ZNF141: variants seen among roughly 807,000 people sequenced by gnomAD.
The protein encoded by ZNF141 is zinc finger protein 141.
In ZNF141, 7 loss-of-function variants were observed where a neutral mutation model predicts 11.3. That is an observed-to-expected ratio of 0.62 (90% CI 0.35 to 1.16). ZNF141 has a LOEUF of 1.16. Ranked by LOEUF, ZNF141 falls within the 50% of genes most tolerant of loss-of-function variation. The pLI is 0.02. For synonymous variants in ZNF141, 183 were observed against 190.7 expected, an observed-to-expected ratio of 0.96 and a Z score of 0.33; for missense variants, 535 against 554.0, an observed-to-expected ratio of 0.97 and a Z score of 0.34.
chr4:344,526 T>G (rs1553849226), intron 3 of ZNF141, 96 bp downstream of exon 3: 1 of 1,026,848 alleles, frequency 9.7e-7, no homozygotes, highest in African/African-American at 1.6e-5. Context: ...CCGGGTGCAG[T>G]GGCTCATGCC....
chr4:382,136 C>T lies in ZNF141; in HGVS notation c.*8274C>T, dbSNP rs1479395910. Among the ~76,000 whole-genome samples the T allele has an allele frequency of 1.3e-5, 2 of 151,636 alleles. No homozygotes were observed. The highest frequency in any genetic ancestry group is 2.4e-5 in the African/African-American group (1 of 41,174). The stretch of plus-strand genomic sequence containing the variant: ...AATTTTTTTGTATTTTTAGTAGAGA[C>T]GGGGTTTCACCATGTTAGCCAACAA... On this transcript the variant is annotated 3_prime_UTR_variant, in exon 4 of 4. Transcript: ENST00000240499.
At chr4:349,364 A>C (rs1322600137) in intron 3 of ZNF141, among the ~76,000 whole-genome samples, 2 of 151,982 alleles carry the variant, frequency 1.3e-5, no homozygotes. Context: ...TTCTTATTTT[A>C]CTCTAGGGTT....
rs1261615995 is a variant in ZNF141 at position 382,356 on chromosome 4, C to A, written c.*8494C>A. Among the ~76,000 whole-genome samples the A allele has an allele frequency of 6.6e-6, 1 of 152,066 alleles. No homozygotes were observed. Among genetic ancestry groups the A allele is most frequent in the Non-Finnish European group, 1.5e-5 (1 of 68,024 alleles). ...CTTCGAAGCATACTCTGCTGGTTGG[C>A]TAAATTGCACTGGGAAAAAATAGCA... On this transcript the variant is annotated 3_prime_UTR_variant, in exon 4 of 4. Transcript: ENST00000240499.
At chr4:353,907 C>G (rs1471635602) in intron 3 of ZNF141, among the ~76,000 whole-genome samples, 1 of 152,208 alleles carries the variant, frequency 6.6e-6, no homozygotes, top group Non-Finnish European at 1.5e-5. Context: ...GTGATTTCTG[C>G]TCATTCACAC....
At chr4:353,466 A>T (rs6820996) in intron 3 of ZNF141, among the ~76,000 whole-genome samples, 41,756 of 133,578 alleles carry the variant, frequency 0.31, 6,845 homozygotes, top group African/African-American at 0.39. Flanking sequence ...TATTATTATT[A>T]TTTTTTTTTT....
Position 379,465 on chromosome 4 carries a change from C to T in ZNF141, c.*5603C>T, listed in dbSNP as rs1055202943. On this transcript the variant is annotated 3_prime_UTR_variant, in exon 4 of 4. Transcript: ENST00000240499. ...TCTCAGCTCACTGCAACCTCCGCCT[C>T]TCAGGTTCAGGCGATTCTCCTGCCT... 3.9e-5 allele frequency among the ~76,000 whole-genome samples: 6 copies of T among 152,206 alleles called. No individual in the cohort carries two copies. Among genetic ancestry groups the T allele is most frequent in the Non-Finnish European group, 7.3e-5 (5 of 68,052 alleles).
chr4:348,250 G>T (rs199939866), intron 3 of ZNF141, among the ~76,000 whole-genome samples: 1 of 152,000 alleles, frequency 6.6e-6, no homozygotes, highest in African/African-American at 2.4e-5. Context: ...TGTTTACTTT[G>T]ATGCAGTCTC....
In ZNF141 at chr4:381,400, C is replaced by CTTTTT. The variant is rs34721227; in HGVS notation, c.*7560_*7564dup. On this transcript the variant is annotated 3_prime_UTR_variant, in exon 4 of 4. Coordinates refer to ENST00000240499, the MANE Select transcript of ZNF141 (RefSeq NM_003441.4). ...CTATTTAATACAGACTTCAAATGTG[C>CTTTTT]TTTTTTTTTTTTTTTTTTTTTTTTT... 3.9e-5 allele frequency among the ~76,000 whole-genome samples: 3 copies of CTTTTT among 76,936 alleles called. No individual in the cohort carries two copies. The highest frequency in any genetic ancestry group is 3.4e-4 in the East Asian group (1 of 2,950). The allele number at this position is 76,936 out of a possible 152,430, so 50.5% of individuals were successfully genotyped here. A position where few individuals can be genotyped will look rare whatever the true frequency, so the allele number is the denominator to read the frequency against.
At chr4:362,619 A>G (rs1316110825) in intron 3 of ZNF141, among the ~76,000 whole-genome samples, 2 of 152,212 alleles carry the variant, frequency 1.3e-5, no homozygotes, top group Admixed American at 6.5e-5. Context: ...TCCCAGCACC[A>G]TTTATTAAAT....
intron 3 of ZNF141, among the ~76,000 whole-genome samples, chr4:357,707 CTTTTT>C (rs572493320): frequency 1.5e-5 from 2 of 132,586 alleles, no homozygotes; most frequent in African/African-American, 2.8e-5. Context: ...TTTCTTTTTT[CTTTTT>C]TTTTTTTTTT....
Position 380,541 on chromosome 4 carries a change from A to G in ZNF141, c.*6679A>G, listed in dbSNP as rs1349245223. 6.6e-6 allele frequency among the ~76,000 whole-genome samples: 1 copy of G among 151,988 alleles called. No individual in the cohort carries two copies. The highest frequency in any genetic ancestry group is 2.4e-5 in the African/African-American group (1 of 41,390). On this transcript the variant is annotated 3_prime_UTR_variant, in exon 4 of 4. Coordinates refer to ENST00000240499, the MANE Select transcript of ZNF141 (RefSeq NM_003441.4). ...GTGTCAGGCGCCTGTAATCCCAGCT[A>G]CTCAAGAGGTTGAGGCAGGAGAATC...
intron 1 of ZNF141, among the ~76,000 whole-genome samples, chr4:343,401 C>A (rs893291463): frequency 2.0e-5 from 3 of 152,280 alleles, no homozygotes; most frequent in African/African-American, 7.2e-5. Context: ...CTAGCGCTCT[C>A]AACTCATTTC....
intron 3 of ZNF141, among the ~76,000 whole-genome samples, chr4:362,079 G>T (rs2108713514): frequency 6.6e-6 from 1 of 152,324 alleles, no homozygotes; most frequent in African/African-American, 2.4e-5. Context: ...TCTAACTGGT[G>T]TGAGATGGTA....
At position 377,824 on chromosome 4, in the gene ZNF141, A is replaced by C. The variant is rs900657212; in HGVS notation, c.*3962A>C. ...GGTTGTATATTGTACCACCATATGA[A>C]GAAACATCAGAATTTTGAAATTTCT... is the stretch of plus-strand genomic sequence containing the variant. On this transcript the variant is annotated 3_prime_UTR_variant, in exon 4 of 4. Transcript: ENST00000240499. 7.9e-5 allele frequency among the ~76,000 whole-genome samples: 12 copies of C among 152,224 alleles called. No homozygotes were observed. Among genetic ancestry groups the C allele is most frequent in the African/African-American group, 2.9e-4 (12 of 41,462 alleles).
intron 3 of ZNF141, among the ~76,000 whole-genome samples, chr4:362,180 T>G (rs1711526718): frequency 6.6e-6 from 1 of 152,246 alleles, no homozygotes; most frequent in African/African-American, 2.4e-5. Flanking sequence ...TGTCTTCTTT[T>G]GAGAAGTGTC....
intron 1 of ZNF141, 53 bp downstream of exon 1, chr4:338,039 G>T: frequency 6.2e-7 from 1 of 1,610,154 alleles, no homozygotes; most frequent in South Asian, 1.1e-5. Context: ...ATCGGAGCTG[G>T]CGGGAAATGG....
chr4:350,718 G>A (rs1721555162), intron 3 of ZNF141, among the ~76,000 whole-genome samples: 1 of 151,970 alleles, frequency 6.6e-6, no homozygotes, highest in East Asian at 1.9e-4. Context: ...CATAGTGAGT[G>A]AGTTCTCCCG....
At chr4:343,398 T>G (rs782258270) in intron 1 of ZNF141, among the ~76,000 whole-genome samples, 1 of 152,148 alleles carries the variant, frequency 6.6e-6, no homozygotes, top group Non-Finnish European at 1.5e-5. Flanking sequence ...GAACTAGCGC[T>G]CTCAACTCAT....
rs990070070 is a variant in ZNF141 at position 342,891 on chromosome 4, G to A, written c.4-891G>A. 3.9e-5 allele frequency: 63 copies of A among 1,604,502 alleles called. No homozygotes were observed. In the Admixed American group the frequency reaches 6.7e-4, roughly 17 times the overall value. On this transcript the variant is annotated intron_variant, in intron 1 of 3. Transcript: ENST00000240499. The stretch of plus-strand genomic sequence containing the variant: ...TGACCTGAAGGTTGAACAGACTGCC[G>A]AAGTCCAAAAGCTTCAGCATTTCCT...
Sources: allele counts gnomAD v4.1 joint callset (sites outside exome capture counted in the v4.1 genomes callset), GRCh38; gene constraint gnomAD v4.1.1; transcripts MANE v1.5; gene names NCBI Gene and HGNC (gene_info 2026-07-23, HGNC 2026-07-21).